TMPRSS9: variants seen among roughly 807,000 people sequenced by gnomAD.
TMPRSS9 encodes transmembrane protease serine 9.
Under a neutral mutation model 111.4 loss-of-function variants are expected in TMPRSS9, and 113 were observed. The ratio of observed to expected loss-of-function variants is 1.01; its 90% CI spans 0.87 to 1.19. The LOEUF (loss-of-function observed/expected upper bound fraction) is 1.19. Among genes scored for constraint, TMPRSS9 ranks in the 50% most tolerant of loss-of-function variants. The pLI is 0.00. For missense variants in TMPRSS9, 1,803 were observed against 1,513.1 expected, an observed-to-expected ratio of 1.19 and a Z score of -3.18; for synonymous variants, 805 against 659.1, an observed-to-expected ratio of 1.22 and a Z score of -3.39.
Position 2,421,851 on chromosome 19 carries a change from T to C in TMPRSS9, c.2155-3T>C. On this transcript the variant is annotated splice_polypyrimidine_tract_variant and splice_region_variant and intron_variant, in intron 13 of 17. Transcript: ENST00000648592. Reference sequence around the variant, plus strand: ...CAACCAGTGCTCTTTCCTTCCTTTCTAGGGTGACTCTGGGGGCCCCCTGGC... The same window carrying C: ...CAACCAGTGCTCTTTCCTTCCTTTCCAGGGTGACTCTGGGGGCCCCCTGGC... The C allele has an allele frequency of 6.3e-7, 1 of 1,594,870 alleles. No homozygotes were observed. The highest frequency in any genetic ancestry group is 8.5e-7 in the Non-Finnish European group (1 of 1,170,080).
At chr19:2,384,995 AAG>A (rs201318971), upstream of TMPRSS9, among the ~76,000 whole-genome samples, 8,471 of 147,364 alleles carry the variant, frequency 0.057, 846 homozygotes, top group African/African-American at 0.2. Context: ...AAAAAAAAAA[AAG>A]AGAGAAAAGC....
chr19:2,381,952 C>T (rs2145263051), intron 1 of TMPRSS9, among the ~76,000 whole-genome samples: 1 of 152,320 alleles, frequency 6.6e-6, no homozygotes, highest in Middle Eastern at 3.4e-3. Context: ...AAGAGATTGA[C>T]CTATCTTAGG....
rs1259317985 is a variant in TMPRSS9, at chr19:2,400,801, C to T, written c.515-1174C>T. Reference sequence around the variant, plus strand: ...CCAGCCGGGCCAACACGGTGAAACCCCATCTCTACTAAAAATAAAAAAATT... The same window carrying T: ...CCAGCCGGGCCAACACGGTGAAACCTCATCTCTACTAAAAATAAAAAAATT... On this transcript the variant is annotated intron_variant, in intron 4 of 17. Coordinates refer to ENST00000648592, the Ensembl canonical transcript of TMPRSS9. 1.1e-3 allele frequency among the ~76,000 whole-genome samples: 164 copies of T among 150,974 alleles called. 1 individual carries two copies. Among genetic ancestry groups the T allele is most frequent in the Admixed American group, 0.011 (159 of 15,052 alleles).
intron 1 of TMPRSS9, among the ~76,000 whole-genome samples, chr19:2,360,893 G>C (rs1970189912): frequency 6.6e-6 from 1 of 150,924 alleles, no homozygotes; most frequent in South Asian, 2.1e-4. Flanking sequence ...ATGCCGCCAG[G>C]GTGTGTGGAC....
At chr19:2,421,958 C>A in exon 14 of TMPRSS9, 2 of 1,613,138 alleles carry the variant, frequency 1.2e-6, no homozygotes, top group South Asian at 2.2e-5. Context: ...AGAAGCCGGG[C>A]GTGTACACGC....
At chr19:2,413,769 T>C (rs1267605170) in exon 10 of TMPRSS9, 14 of 1,613,910 alleles carry the variant, frequency 8.7e-6, no homozygotes, top group Non-Finnish European at 1.2e-5. Context: ...CATCGTGAGC[T>C]GGGGAATCGG....
intron 1 of TMPRSS9, among the ~76,000 whole-genome samples, chr19:2,395,552 C>T (rs1970687970): frequency 6.6e-6 from 1 of 151,946 alleles, no homozygotes. Flanking sequence ...CATGGAGAAA[C>T]CCCATCTGTA....
intron 1 of TMPRSS9, among the ~76,000 whole-genome samples, chr19:2,362,916 ATGTGT>A (rs1488676384): frequency 4.7e-5 from 7 of 149,430 alleles, no homozygotes; most frequent in African/African-American, 7.4e-5. Flanking sequence ...GTGTGTGGTA[ATGTGT>A]TGTGTGTGGT....
At position 2,364,004 on chromosome 19, in the gene TMPRSS9, C is replaced by T. The variant is rs551505188; in HGVS notation, c.-26+3644C>T. Reference sequence around the variant, plus strand: ...GCCTATGAGCCCTACACCAACAGGACGCTGTTGGTATAAGCACATCTCAGC... The same window carrying T: ...GCCTATGAGCCCTACACCAACAGGATGCTGTTGGTATAAGCACATCTCAGC... On this transcript the variant is annotated intron_variant, in intron 1 of 17. Coordinates refer to the TMPRSS9 transcript ENST00000649857. Among the ~76,000 whole-genome samples, 24 of 152,006 alleles carry T rather than the reference C, an allele frequency of 1.6e-4. 1 individual carries two copies. The South Asian group carries it at 4.2e-3, about 26-fold the overall frequency.
At chr19:2,376,470 T>C (rs79283795) in intron 1 of TMPRSS9, among the ~76,000 whole-genome samples, 1 of 152,034 alleles carries the variant, frequency 6.6e-6, no homozygotes, top group African/African-American at 2.4e-5. Context: ...TCTTTTTTTT[T>C]TCTTTTTGAG....
intron 1 of TMPRSS9, among the ~76,000 whole-genome samples, chr19:2,363,823 TGA>T (rs796275292): frequency 0.011 from 1,197 of 106,708 alleles, 21 homozygotes; most frequent in African/African-American, 0.036. Flanking sequence ...CGTGTGTGTG[TGA>T]GAGAGAGAGA....
chr19:2,361,503 G>A (rs1048667580), intron 1 of TMPRSS9, among the ~76,000 whole-genome samples: 1 of 152,068 alleles, frequency 6.6e-6, no homozygotes, highest in Non-Finnish European at 1.5e-5. Flanking sequence ...AATTGGAGGT[G>A]GGTGAAGGGC....
intron 14 of TMPRSS9, among the ~76,000 whole-genome samples, chr19:2,422,951 G>A (rs1490797021): frequency 6.6e-6 from 1 of 152,058 alleles, no homozygotes; most frequent in Non-Finnish European, 1.5e-5. Context: ...CAGCTACTGG[G>A]GAGGCTGAGA....
rs148228698 is a variant in TMPRSS9 at position 2,417,587 on chromosome 19, G to A, written c.2018-415G>A. On this transcript the variant is annotated intron_variant, in intron 12 of 17. Transcript: ENST00000648592. Reference sequence around the variant, plus strand: ...CACTTGAGCCTGGGAGTTCAAGGCCGCAGTGAGCCATGATCATGCCACTGC... The same window carrying A: ...CACTTGAGCCTGGGAGTTCAAGGCCACAGTGAGCCATGATCATGCCACTGC... Among the ~76,000 whole-genome samples, 497 of 152,220 alleles carry A rather than the reference G, an allele frequency of 3.3e-3. 2 individuals are homozygous for A. Among genetic ancestry groups the A allele is most frequent in the Non-Finnish European group, 5.3e-3 (363 of 67,984 alleles).
At chr19:2,388,264 G>A (rs1970515775), upstream of TMPRSS9, among the ~76,000 whole-genome samples, 4 of 151,914 alleles carry the variant, frequency 2.6e-5, no homozygotes, top group South Asian at 4.2e-4. Flanking sequence ...TGGCACACAC[G>A]TGGCCCTAGC....
chr19:2,410,424 A>G (rs1599304135), intron 9 of TMPRSS9, 30 bp downstream of exon 10: 9 of 1,611,584 alleles, frequency 5.6e-6, no homozygotes, highest in Non-Finnish European at 7.6e-6. Flanking sequence ...GACCCCAGAA[A>G]AACACAGAAA....
chr19:2,420,398 T>A (rs996474412), intron 13 of TMPRSS9, among the ~76,000 whole-genome samples: 8 of 144,868 alleles, frequency 5.5e-5, no homozygotes, highest in Non-Finnish European at 3.0e-5. Context: ...GCCGAGATCA[T>A]GTCACTGCAC....
At chr19:2,384,812 C>CAAAA (rs1176243923), upstream of TMPRSS9, among the ~76,000 whole-genome samples, 1 of 94,372 alleles carries the variant, frequency 1.1e-5, no homozygotes, top group African/African-American at 4.2e-5. Flanking sequence ...AAGGCTCCGT[C>CAAAA]AAAAAAAAAA....
intron 11 of TMPRSS9, 162 bp from the exon 13 acceptor site, chr19:2,416,376 C>T: frequency 1.1e-6 from 1 of 932,988 alleles, no homozygotes; most frequent in Non-Finnish European, 1.5e-6. Flanking sequence ...CCAGCAGCCC[C>T]TCTTTCCCTG....
Sources: gnomAD v4.1 joint callset for allele counts (sites outside exome capture counted in the v4.1 genomes callset) on GRCh38, gnomAD v4.1.1 for gene constraint, MANE v1.5 for transcripts, NCBI Gene and HGNC (gene_info 2026-07-23, HGNC 2026-07-21) for gene names.